Variants in ANXA11 observed in about 807,000 individuals in gnomAD.
The protein encoded by ANXA11 is 56 kDa autoantigen.
ANXA11 carries 57 observed loss-of-function variants against 64.7 expected under a neutral mutation model. The observed-to-expected ratio is 0.88, with a 90% CI of 0.71 to 1.10. The LOEUF (loss-of-function observed/expected upper bound fraction) is 1.10, where lower values mean the gene tolerates loss of function less well. ANXA11 is among the 50% of genes least tolerant of loss of function. ANXA11 has a pLI of 0.00. For synonymous variants in ANXA11, 260 were observed against 265.2 expected, an observed-to-expected ratio of 0.98 and a Z score of 0.19; for missense variants, 675 against 670.7, an observed-to-expected ratio of 1.01 and a Z score of -0.07.
rs759412383 is a variant in ANXA11 at position 80,166,968 on chromosome 10, G to A, written c.666C>T (p.Ala222=). Residue 222 remains alanine (A), a synonymous_variant, in exon 7 of 16, where the codon GCC becomes GCT. Transcript: ENST00000422982. ...AGCGACTCCCCAGGCAGTCAATGAT[G>A]GCCTGCTCATCCGTCCCTGGAGGAA... ...AMKGFGTDEQ[A]IIDCLGSRSN... The A allele has an allele frequency of 6.2e-7, 1 of 1,603,550 alleles. No individual in the cohort carries two copies. Among genetic ancestry groups the A allele is most frequent in the East Asian group, 2.3e-5 (1 of 44,320 alleles).
chr10:80,199,651 C>T (rs113306512), intron 1 of ANXA11, among the ~76,000 whole-genome samples: 4,024 of 152,014 alleles, frequency 0.026, 87 homozygotes, highest in Middle Eastern at 0.065. Flanking sequence ...ACCAAAAATA[C>T]AAAAATTAGT....
At chr10:80,192,543 C>T (rs1252327059) in intron 1 of ANXA11, among the ~76,000 whole-genome samples, 3 of 151,944 alleles carry the variant, frequency 2.0e-5, no homozygotes, top group Non-Finnish European at 2.9e-5. Context: ...TCCTTAGAGA[C>T]GGAAGAGAAA....
chr10:80,174,217 T>C lies in ANXA11; in HGVS notation c.-8-1348A>G, dbSNP rs542924776. ...CACCACACACAGCTAATTTTTTTTT[T>C]TGAGAGTCTTACTATGTTGCCGAGG... On this transcript the variant is annotated intron_variant, in intron 2 of 15. Transcript: ENST00000422982. Among the ~76,000 whole-genome samples, 212 of 152,242 alleles carry C rather than the reference T, an allele frequency of 1.4e-3. 1 individual carries two copies. The highest frequency in any genetic ancestry group is 4.8e-3 in the African/African-American group (199 of 41,542).
intron 12 of ANXA11, among the ~76,000 whole-genome samples, chr10:80,159,406 G>C (rs1380563961): frequency 6.6e-6 from 1 of 152,218 alleles, no homozygotes; most frequent in African/African-American, 2.4e-5. Context: ...GACACACACA[G>C]AGATCCCAGG....
At chr10:80,171,111 T>G in intron 3 of ANXA11, 196 bp from the exon 4 acceptor site, 1 of 1,486,896 alleles carries the variant, frequency 6.7e-7, no homozygotes, top group Non-Finnish European at 8.9e-7. Flanking sequence ...AGGGGAAACC[T>G]TCCCCTCTTC....
Position 80,151,345 on chromosome 10 carries a change from G to T in ANXA11, c.*4508C>A, listed in dbSNP as rs1017197000. ...GGTGGGCTTGACTGACTCCTTTACT[G>T]ACAGGGGACCCTACATGAGTCCAGG... On this transcript the variant is annotated 3_prime_UTR_variant, in exon 16 of 16. Coordinates refer to ENST00000422982, the MANE Select transcript of ANXA11 (RefSeq NM_145868.2). The T allele has an allele frequency of 2.6e-5, 4 of 152,218 alleles. No homozygotes were observed. Among genetic ancestry groups the T allele is most frequent in the African/African-American group, 9.7e-5 (4 of 41,440 alleles). The allele number at this position is 152,218 out of a possible 1,614,324, so 9.4% of individuals were successfully genotyped here. A position where few individuals can be genotyped will look rare whatever the true frequency, so the allele number is the denominator to read the frequency against.
At position 80,156,051 on chromosome 10, in the gene ANXA11, C is replaced by A. The variant is rs148335169; in HGVS notation, c.1459-139G>T. 949 of 805,792 alleles carry A rather than the reference C, an allele frequency of 1.2e-3. 2 individuals carry two copies. Among genetic ancestry groups the A allele is most frequent in the Non-Finnish European group, 1.1e-3 (531 of 485,310 alleles). 49.9% of individuals were successfully genotyped at this position (805,792 alleles called of 1,614,324 possible). ...GAATTTTCTCCCACTGCAGGTCCTG[C>A]AGCAGGCGTCACAGACCTTAAAAAA... On this transcript the variant is annotated intron_variant, in intron 15 of 15. Coordinates refer to ENST00000422982, the MANE Select transcript of ANXA11 (RefSeq NM_145868.2).
rs376805720 is a variant in ANXA11 at position 80,172,799 on chromosome 10, C to G, written c.55+8G>C. The G allele has an allele frequency of 1.1e-5, 17 of 1,613,816 alleles. No individual in the cohort carries two copies. In the East Asian group the frequency reaches 3.3e-4, roughly 32 times the overall value. The stretch of plus-strand genomic sequence containing the variant: ...ATTCACTCTCCTCCCCACCCCAGAC[C>G]CTCTTACCTGGTGCAGCTGGTGGGT... On this transcript the variant is annotated splice_region_variant and intron_variant, in intron 3 of 15. Transcript: ENST00000422982.
intron 2 of ANXA11, among the ~76,000 whole-genome samples, chr10:80,174,355 C>A (rs1273298930): frequency 6.6e-6 from 1 of 150,882 alleles, no homozygotes; most frequent in African/African-American, 2.4e-5. Flanking sequence ...CGGCTCACTG[C>A]AACCTCTGCC....
chr10:80,200,838 C>T (rs1305760858), intron 1 of ANXA11, among the ~76,000 whole-genome samples: 5 of 152,122 alleles, frequency 3.3e-5, no homozygotes, highest in African/African-American at 7.2e-5. Flanking sequence ...GGCTTTGAGA[C>T]CAACCTGGGC....
chr10:80,175,499 T>C (rs1449778518), intron 2 of ANXA11, among the ~76,000 whole-genome samples: 1 of 151,528 alleles, frequency 6.6e-6, no homozygotes, highest in Non-Finnish European at 1.5e-5. Context: ...TTATACCAAG[T>C]AAATTCCAGC....
intron 1 of ANXA11, chr10:80,204,764 A>C (rs371726450): frequency 6.5e-6 from 1 of 152,808 alleles, no homozygotes; most frequent in African/African-American, 2.4e-5. Flanking sequence ...GAAGGGGCGA[A>C]GGCACGCACA....
intron 1 of ANXA11, chr10:80,204,685 G>A (rs912383483): frequency 6.6e-6 from 1 of 152,246 alleles, no homozygotes; most frequent in Non-Finnish European, 1.5e-5. Flanking sequence ...AAGTCTTAAG[G>A]GCCTGGCCTG....
intron 1 of ANXA11, among the ~76,000 whole-genome samples, chr10:80,193,660 A>G (rs1487382739): frequency 6.6e-6 from 1 of 151,728 alleles, no homozygotes; most frequent in African/African-American, 2.4e-5. Context: ...CCTGGCAAAC[A>G]TGTCAAAACC....
At chr10:80,205,692 A>C (rs372192095), upstream of ANXA11, 3 of 152,282 alleles carry the variant, frequency 2.0e-5, no homozygotes, top group Non-Finnish European at 2.9e-5. Flanking sequence ...CGGGCTCCGG[A>C]GGTCCCTCTG....
intron 1 of ANXA11, among the ~76,000 whole-genome samples, chr10:80,187,545 G>GCACACACACA (rs773152656): frequency 6.6e-6 from 1 of 150,530 alleles, no homozygotes; most frequent in African/African-American, 2.4e-5. Context: ...GTGCGCGCGT[G>GCACACACACA]CACACACACA....
intron 3 of ANXA11, chr10:80,171,575 G>A (rs1845977883): frequency 3.2e-6 from 3 of 950,840 alleles, no homozygotes; most frequent in Non-Finnish European, 3.8e-6. Context: ...AATGGTGAGT[G>A]TATGCCTAGA....
At position 80,157,760 on chromosome 10, in the gene ANXA11, C is replaced by T; in HGVS notation, c.1339G>A (p.Ala447Thr). Residue 447 changes from alanine (A) to threonine (T), a missense_variant, in exon 15 of 16, where the codon GCA (alanine) becomes ACA (threonine). Physicochemically the swap from Ala to Thr is moderately conservative, Grantham distance 58. Coordinates refer to ENST00000422982, the MANE Select transcript of ANXA11 (RefSeq NM_145868.2). ...ATCAGGGTCCGGTCCTTTGTTCCTG[C>T]CCCCTAAAGAGAGTCCACCCAAGAG... ...AERLNKAMRG[A>T]GTKDRTLIRI... is the part of the protein sequence containing the mutation. 1.2e-6 allele frequency: 2 copies of T among 1,612,752 alleles called. No homozygotes were observed. The highest frequency in any genetic ancestry group is 1.7e-6 in the Non-Finnish European group (2 of 1,179,260).
chr10:80,163,201 G>A (rs151304060), intron 11 of ANXA11, 148 bp downstream of exon 11: 4 of 839,882 alleles, frequency 4.8e-6, no homozygotes, highest in Non-Finnish European at 7.7e-6. Flanking sequence ...TCATACAGTT[G>A]AACAGTTCAG....
Sources: gnomAD v4.1 joint callset for allele counts (sites outside exome capture counted in the v4.1 genomes callset) on GRCh38, gnomAD v4.1.1 for gene constraint, MANE v1.5 for transcripts, NCBI Gene and HGNC (gene_info 2026-07-23, HGNC 2026-07-21) for gene names.